Variants in NELL1 observed in about 807,000 individuals in gnomAD.
NELL1 encodes protein kinase C-binding protein NELL1.
NELL1 carries 76 observed loss-of-function variants against 107.4 expected under a neutral mutation model. The ratio of observed to expected loss-of-function variants is 0.71; its 90% CI spans 0.59 to 0.86. The LOEUF (loss-of-function observed/expected upper bound fraction) is 0.86, where lower values mean the gene tolerates loss of function less well. NELL1 is among the 40% of genes least tolerant of loss of function. NELL1 has a pLI of 0.00. For missense variants in NELL1, 1,024 were observed against 1,005.5 expected (o/e 1.02, Z -0.25); for synonymous variants, 353 against 341.2 (o/e 1.03, Z -0.38).
At chr11:20,989,145 T>C (rs2134255017) in intron 12 of NELL1, among the ~76,000 whole-genome samples, 1 of 152,334 alleles carries the variant, frequency 6.6e-6, no homozygotes, top group East Asian at 1.9e-4. Context: ...CAAGTCTTCG[T>C]GATGCAGAAT....
intron 3 of NELL1, among the ~76,000 whole-genome samples, chr11:20,793,345 T>A (rs145464463): frequency 0.017 from 2,557 of 152,108 alleles, 28 homozygotes; most frequent in Admixed American, 0.026. Context: ...TATTTGTGAT[T>A]TTTATCTCAT....
At chr11:21,122,182 C>T (rs935301921) in intron 13 of NELL1, among the ~76,000 whole-genome samples, 24 of 152,114 alleles carry the variant, frequency 1.6e-4, no homozygotes, top group African/African-American at 4.8e-4. Flanking sequence ...TGTGAACAAA[C>T]CTATTAAGTA....
In NELL1 at chr11:20,915,699, TGA is replaced by T. The variant is rs1491367086; in HGVS notation, c.604-2482_604-2481del. Among the ~76,000 whole-genome samples, 106 of 20,390 alleles carry T rather than the reference TGA, an allele frequency of 5.2e-3. 10 individuals are homozygous for T. The highest frequency in any genetic ancestry group is 0.04 in the Admixed American group (58 of 1,460). The allele number at this position is 20,390 out of a possible 152,430, so 13.4% of individuals were successfully genotyped here. A position where few individuals can be genotyped will look rare whatever the true frequency, so the allele number is the denominator to read the frequency against. ...TTTCATCTGTGGAAATCCTCATAGA[TGA>T]TATATATATATATATATTTTTTTTT... On this transcript the variant is annotated intron_variant, in intron 5 of 19. Transcript: ENST00000357134.
chr11:21,322,515 A>G (rs937075924), intron 14 of NELL1, among the ~76,000 whole-genome samples: 1 of 152,202 alleles, frequency 6.6e-6, no homozygotes, highest in Non-Finnish European at 1.5e-5. Flanking sequence ...GTGAGTCAGT[A>G]CAAAAGCACA....
intron 2 of NELL1, among the ~76,000 whole-genome samples, chr11:20,759,816 C>T (rs1250855174): frequency 6.6e-6 from 1 of 152,182 alleles, no homozygotes; most frequent in Non-Finnish European, 1.5e-5. Context: ...AGAATCCAGC[C>T]CTCTGGGGGA....
chr11:20,976,197 C>CAT (rs1851631505), intron 12 of NELL1, among the ~76,000 whole-genome samples: 1 of 150,106 alleles, frequency 6.7e-6, no homozygotes, highest in Non-Finnish European at 1.5e-5. Context: ...TATATCTGTA[C>CAT]ATATATATGT....
chr11:21,327,162 G>GGTTTTTTTTTTTTTTT lies in NELL1; in HGVS notation c.1550-43691_1550-43690insGTTTTTTTTTTTTTTT, dbSNP rs1565169810. On this transcript the variant is annotated intron_variant, in intron 14 of 19. Transcript: ENST00000357134. ...ACAGTGAGTTCTCATGAGATCTGATGTTTTTTTTTTTTTTTTGTGGGGGGG... is the reference window on the plus strand; with the variant it reads ...ACAGTGAGTTCTCATGAGATCTGATGGTTTTTTTTTTTTTTTTTTTTTTTTTTTTTTTGTGGGGGGG... Among the ~76,000 whole-genome samples, 2 of 96,944 alleles carry GGTTTTTTTTTTTTTTT rather than the reference G, an allele frequency of 2.1e-5. 1 individual carries two copies. Among genetic ancestry groups the GGTTTTTTTTTTTTTTT allele is most frequent in the Non-Finnish European group, 4.0e-5 (2 of 50,056 alleles). The allele number at this position is 96,944 out of a possible 152,430, so 63.6% of individuals were successfully genotyped here. A position where few individuals can be genotyped will look rare whatever the true frequency, so the allele number is the denominator to read the frequency against.
At chr11:20,777,526 T>G (rs1590284329) in intron 2 of NELL1, among the ~76,000 whole-genome samples, 1 of 152,200 alleles carries the variant, frequency 6.6e-6, no homozygotes, top group South Asian at 2.1e-4. Flanking sequence ...GACCAAATAG[T>G]GGGACATGTG....
At chr11:20,818,402 C>G (rs1465626599) in intron 3 of NELL1, among the ~76,000 whole-genome samples, 1 of 118,954 alleles carries the variant, frequency 8.4e-6, no homozygotes, top group African/African-American at 3.1e-5. Flanking sequence ...AGAAGCAACC[C>G]CTGCTTTTTT....
chr11:20,776,368 G>A (rs1353556344), intron 2 of NELL1, among the ~76,000 whole-genome samples: 1 of 152,108 alleles, frequency 6.6e-6, no homozygotes, highest in African/African-American at 2.4e-5. Flanking sequence ...GAACCCGGGA[G>A]GTGGAGGTTG....
chr11:20,968,695 A>T (rs1464131123), intron 12 of NELL1, among the ~76,000 whole-genome samples: 1 of 152,218 alleles, frequency 6.6e-6, no homozygotes, highest in East Asian at 1.9e-4. Context: ...TTGGTTTTCT[A>T]TAGATTTTCA....
intron 4 of NELL1, among the ~76,000 whole-genome samples, chr11:20,855,414 G>A (rs957855761): frequency 6.6e-6 from 1 of 152,026 alleles, no homozygotes; most frequent in Non-Finnish European, 1.5e-5. Flanking sequence ...GGCGAGGAGT[G>A]GATTAAAAAG....
At chr11:21,542,503 C>G (rs1337748231) in intron 16 of NELL1, among the ~76,000 whole-genome samples, 1 of 152,030 alleles carries the variant, frequency 6.6e-6, no homozygotes, top group Non-Finnish European at 1.5e-5. Flanking sequence ...ATTTTATTCA[C>G]TGGACTCAAG....
intron 12 of NELL1, among the ~76,000 whole-genome samples, chr11:21,061,203 T>C (rs1914246): frequency 0.26 from 40,181 of 151,998 alleles, 5,554 homozygotes; most frequent in South Asian, 0.4. Flanking sequence ...TCACATGGAG[T>C]TTATATTCTG....
intron 13 of NELL1, among the ~76,000 whole-genome samples, chr11:21,121,072 G>C (rs1342225535): frequency 1.3e-5 from 2 of 152,096 alleles, no homozygotes; most frequent in Admixed American, 6.6e-5. Context: ...ATTTTTGGCT[G>C]TTCTGGGGTT....
At chr11:20,796,871 G>A (rs1271219733) in intron 3 of NELL1, among the ~76,000 whole-genome samples, 1 of 152,172 alleles carries the variant, frequency 6.6e-6, no homozygotes, top group Non-Finnish European at 1.5e-5. Context: ...TTTCCACCAA[G>A]AGTTATGCTT....
chr11:21,003,141 G>T (rs973771293), intron 12 of NELL1, among the ~76,000 whole-genome samples: 2 of 152,128 alleles, frequency 1.3e-5, no homozygotes, highest in South Asian at 2.1e-4. Context: ...GGATCTGTGC[G>T]GAATAAATTT....
At chr11:20,753,244 A>G (rs1450076386) in intron 2 of NELL1, among the ~76,000 whole-genome samples, 11 of 152,234 alleles carry the variant, frequency 7.2e-5, no homozygotes, top group Non-Finnish European at 1.3e-4. Context: ...AATGGCTTCT[A>G]TGCTATCTGT....
At chr11:21,405,129 G>T (rs1257892131) in intron 15 of NELL1, among the ~76,000 whole-genome samples, 4 of 152,018 alleles carry the variant, frequency 2.6e-5, no homozygotes, top group African/African-American at 9.7e-5. Flanking sequence ...TGGCTGGGTG[G>T]TTCCACTTGT....
Sources: gnomAD v4.1 joint callset for allele counts (sites outside exome capture counted in the v4.1 genomes callset) on GRCh38, gnomAD v4.1.1 for gene constraint, MANE v1.5 for transcripts, NCBI Gene and HGNC (gene_info 2026-07-23, HGNC 2026-07-21) for gene names.